IGF1R: variants seen among roughly 807,000 people sequenced by gnomAD.
IGF1R encodes the protein insulin-like growth factor 1 receptor.
In IGF1R, 44 loss-of-function variants were observed where a neutral mutation model predicts 144.6. The observed-to-expected ratio is 0.30, with a 90% CI of 0.24 to 0.39. The LOEUF is 0.39. IGF1R is among the 10% of genes least tolerant of loss of function. IGF1R has a pLI of 1.00. For missense variants in IGF1R, 1,355 were observed against 1,833.7 expected (o/e 0.74, Z 4.77); for synonymous variants, 795 against 722.8 (o/e 1.10, Z -1.60).
intron 1 of IGF1R, among the ~76,000 whole-genome samples, chr15:98,690,271 A>C (rs1450496519): frequency 1.5e-4 from 23 of 152,208 alleles, no homozygotes; most frequent in Admixed American, 1.5e-3. Context: ...TGAGCCTAAG[A>C]GGTCAAGGCT....
chr15:98,772,024 C>T (rs916919043), intron 2 of IGF1R, among the ~76,000 whole-genome samples: 1 of 152,062 alleles, frequency 6.6e-6, no homozygotes, highest in Non-Finnish European at 1.5e-5. Flanking sequence ...GCCCAGCTTG[C>T]ACAGCTGAGC....
At chr15:98,780,653 T>G (rs1293201324) in intron 2 of IGF1R, among the ~76,000 whole-genome samples, 1 of 152,076 alleles carries the variant, frequency 6.6e-6, no homozygotes, top group Non-Finnish European at 1.5e-5. Context: ...TTGAAAAGTT[T>G]TATAGTTTCC....
chr15:98,926,975 C>T (rs1212222318), intron 13 of IGF1R, among the ~76,000 whole-genome samples: 1 of 152,140 alleles, frequency 6.6e-6, no homozygotes, highest in African/African-American at 2.4e-5. Context: ...TTTTCCTCCC[C>T]TCCATCTCCT....
At chr15:98,924,046 A>G in intron 12 of IGF1R, 34 bp downstream of exon 12, 1 of 1,603,908 alleles carries the variant, frequency 6.2e-7, no homozygotes, top group Non-Finnish European at 8.5e-7. Flanking sequence ...GCCTGCATGT[A>G]CTTCCATCCA....
At chr15:98,713,783 C>A (rs369901825) in intron 2 of IGF1R, among the ~76,000 whole-genome samples, 10 of 152,132 alleles carry the variant, frequency 6.6e-5, no homozygotes, top group African/African-American at 1.4e-4. Context: ...ACAAAAAAAA[C>A]CCCAACAAAA....
intron 1 of IGF1R, among the ~76,000 whole-genome samples, chr15:98,679,650 A>G (rs1234529679): frequency 1.3e-5 from 2 of 151,984 alleles, no homozygotes. Flanking sequence ...ATAAACAACC[A>G]TGTTACTGGT....
chr15:98,678,867 G>T (rs570321829), intron 1 of IGF1R, among the ~76,000 whole-genome samples: 1 of 150,904 alleles, frequency 6.6e-6, no homozygotes, highest in African/African-American at 2.4e-5. Flanking sequence ...CTTTAAAAAA[G>T]GTCTTCCATG....
At chr15:98,693,781 T>G (rs1301708379) in intron 1 of IGF1R, among the ~76,000 whole-genome samples, 2 of 152,040 alleles carry the variant, frequency 1.3e-5, no homozygotes. Context: ...CATTTTTGTA[T>G]TTTTAGTAGA....
At chr15:98,814,297 T>A (rs1193842919) in intron 2 of IGF1R, among the ~76,000 whole-genome samples, 1 of 152,178 alleles carries the variant, frequency 6.6e-6, no homozygotes, top group Non-Finnish European at 1.5e-5. Context: ...GAAAGCTTTT[T>A]TTAATGCCCT....
At chr15:98,664,884 G>A (rs150049094) in intron 1 of IGF1R, among the ~76,000 whole-genome samples, 1 of 150,900 alleles carries the variant, frequency 6.6e-6, no homozygotes, top group East Asian at 1.9e-4. Flanking sequence ...CCCTTTGGGT[G>A]TGTATTGATT....
intron 2 of IGF1R, among the ~76,000 whole-genome samples, chr15:98,830,336 A>G (rs548947023): frequency 6.6e-6 from 1 of 152,124 alleles, no homozygotes; most frequent in Non-Finnish European, 1.5e-5. Context: ...CTCCTTTGCC[A>G]TGTGTTTTCA....
At chr15:98,833,441 C>T (rs190389040) in intron 2 of IGF1R, among the ~76,000 whole-genome samples, 36 of 152,268 alleles carry the variant, frequency 2.4e-4, no homozygotes, top group Admixed American at 2.1e-3. Flanking sequence ...TTTCCATCAG[C>T]TATTTTGTGG....
intron 1 of IGF1R, among the ~76,000 whole-genome samples, chr15:98,654,375 A>T (rs538839590): frequency 1.3e-5 from 2 of 152,306 alleles, no homozygotes; most frequent in East Asian, 3.9e-4. Context: ...AACGTTGCAT[A>T]GCATGTTTTG....
chr15:98,716,555 A>T (rs772891843), intron 2 of IGF1R, among the ~76,000 whole-genome samples: 23 of 152,164 alleles, frequency 1.5e-4, no homozygotes, highest in Non-Finnish European at 2.5e-4. Flanking sequence ...TTTAAGCTGG[A>T]TGTTACAATG....
chr15:98,809,929 TG>T (rs888006750), intron 2 of IGF1R, among the ~76,000 whole-genome samples: 1 of 152,110 alleles, frequency 6.6e-6, no homozygotes, highest in African/African-American at 2.4e-5. Context: ...GAGGTGTATA[TG>T]GGATAGCCAC....
chr15:98,653,428 C>T (rs1034845490), intron 1 of IGF1R, among the ~76,000 whole-genome samples: 4 of 152,154 alleles, frequency 2.6e-5, no homozygotes, highest in Admixed American at 6.5e-5. Flanking sequence ...GTAGTAAGGA[C>T]TGAGGATGAA....
chr15:98,839,804 T>C (rs2011144324), intron 2 of IGF1R, among the ~76,000 whole-genome samples: 1 of 152,210 alleles, frequency 6.6e-6, no homozygotes, highest in African/African-American at 2.4e-5. Context: ...CACTCCTCCA[T>C]AGATGCCAAG....
intron 2 of IGF1R, among the ~76,000 whole-genome samples, chr15:98,805,450 G>A (rs549383083): frequency 1.8e-4 from 27 of 152,206 alleles, no homozygotes; most frequent in African/African-American, 5.3e-4. Context: ...GGCATGCTGC[G>A]TTTTAATGTG....
chr15:98,760,333 C>T (rs1405224140), intron 2 of IGF1R, among the ~76,000 whole-genome samples: 2 of 150,640 alleles, frequency 1.3e-5, no homozygotes, highest in East Asian at 3.9e-4. Flanking sequence ...GCCTGAGCAA[C>T]AGAGAGAGAC....
Sources: allele counts gnomAD v4.1 joint callset (sites outside exome capture counted in the v4.1 genomes callset), GRCh38; gene constraint gnomAD v4.1.1; transcripts MANE v1.5; gene names NCBI Gene and HGNC (gene_info 2026-07-23, HGNC 2026-07-21).